Variants in NEK10 observed in about 807,000 individuals in gnomAD.
NEK10 encodes NIMA related kinase 10, also known as serine/threonine-protein kinase Nek10.
NEK10 carries 122 observed loss-of-function variants against 159.8 expected under a neutral mutation model. The ratio of observed to expected loss-of-function variants is 0.76; its 90% CI spans 0.66 to 0.89. NEK10 has a LOEUF of 0.89. Among genes scored for constraint, NEK10 ranks in the 40% least tolerant of loss-of-function variants. The pLI is 0.00. For missense variants in NEK10, 1,342 were observed against 1,323.1 expected (o/e 1.01, Z -0.22); for synonymous variants, 466 against 457.1 (o/e 1.02, Z -0.25).
chr3:27,300,253 C>A (rs2043703490), intron 13 of NEK10, among the ~76,000 whole-genome samples: 6 of 152,124 alleles, frequency 3.9e-5, no homozygotes, highest in Admixed American at 3.9e-4. Flanking sequence ...CACTTGAGAT[C>A]TGATTGTTTT....
At chr3:27,202,049 G>T (rs1010929262) in intron 24 of NEK10, among the ~76,000 whole-genome samples, 4 of 152,240 alleles carry the variant, frequency 2.6e-5, no homozygotes, top group African/African-American at 4.8e-5. Flanking sequence ...TACTCAGGAG[G>T]CTGAGGCAGG....
rs1575781450 is a variant in NEK10 at position 27,331,307 on chromosome 3, G to T, written c.363-9046C>A. Among the ~76,000 whole-genome samples the T allele has an allele frequency of 2.1e-5, 3 of 145,328 alleles. No individual in the cohort carries two copies. The East Asian group carries it at 6.1e-4, about 29-fold the overall frequency. On this transcript the variant is annotated intron_variant, in intron 5 of 35. Transcript: ENST00000691995. ...TTGAGGCCTTAATGAAACTTTATCT[G>T]TGCCCAGTCTATGGTGCTAACTTGA...
chr3:27,307,832 G>C (rs780532546), intron 11 of NEK10, 27 bp downstream of exon 11: 4 of 1,088,414 alleles, frequency 3.7e-6, no homozygotes. Flanking sequence ...GCACTGCATT[G>C]TCTTTTTCTA....
At chr3:27,136,334 G>A (rs1943211726) in intron 31 of NEK10, among the ~76,000 whole-genome samples, 2 of 151,740 alleles carry the variant, frequency 1.3e-5, no homozygotes, top group Admixed American at 6.6e-5. Flanking sequence ...GGATGGTCTC[G>A]ATCTCCTGAC....
At chr3:27,134,261 A>G (rs1196935336) in intron 31 of NEK10, among the ~76,000 whole-genome samples, 1 of 152,240 alleles carries the variant, frequency 6.6e-6, no homozygotes, top group South Asian at 2.1e-4. Context: ...CCTAGCAGGA[A>G]GATGGGATGG....
intron 6 of NEK10, among the ~76,000 whole-genome samples, chr3:27,319,679 C>T (rs908172430): frequency 1.3e-5 from 2 of 151,960 alleles, no homozygotes; most frequent in African/African-American, 2.4e-5. Context: ...AAATAGAGAG[C>T]GGGTAGAAGG....
At chr3:27,323,767 T>A (rs574100057) in intron 5 of NEK10, among the ~76,000 whole-genome samples, 6 of 152,356 alleles carry the variant, frequency 3.9e-5, no homozygotes, top group Non-Finnish European at 5.9e-5. Flanking sequence ...TCAAAAAGTA[T>A]GTTTCTTTAG....
intron 19 of NEK10, among the ~76,000 whole-genome samples, chr3:27,289,481 A>G (rs514668): frequency 0.4 from 60,762 of 152,150 alleles, 15,819 homozygotes; most frequent in African/African-American, 0.75. Context: ...ATCTGACCCT[A>G]GTTTGACAGT....
intron 26 of NEK10, among the ~76,000 whole-genome samples, chr3:27,190,452 T>A (rs1462356350): frequency 6.6e-6 from 1 of 152,192 alleles, no homozygotes; most frequent in African/African-American, 2.4e-5. Context: ...GTACAGGAAG[T>A]AATCTTTGCA....
At chr3:27,336,209 T>A (rs1286873771) in intron 5 of NEK10, among the ~76,000 whole-genome samples, 2 of 152,096 alleles carry the variant, frequency 1.3e-5, no homozygotes, top group Non-Finnish European at 2.9e-5. Flanking sequence ...CATCAGAGAC[T>A]ATTATGAACA....
intron 1 of NEK10, among the ~76,000 whole-genome samples, chr3:27,362,029 G>A (rs2048721843): frequency 6.6e-6 from 1 of 152,104 alleles, no homozygotes; most frequent in South Asian, 2.1e-4. Context: ...AAATACAATG[G>A]ATTAAATAAG....
chr3:27,183,872 A>G (rs1348204825), intron 26 of NEK10, among the ~76,000 whole-genome samples: 4 of 152,150 alleles, frequency 2.6e-5, no homozygotes, highest in African/African-American at 7.2e-5. Context: ...GGAAAATGCA[A>G]ACTAAAACCA....
chr3:27,296,448 C>G (rs2043359964), intron 14 of NEK10, among the ~76,000 whole-genome samples: 1 of 152,162 alleles, frequency 6.6e-6, no homozygotes, highest in African/African-American at 2.4e-5. Flanking sequence ...GTTCTATCAA[C>G]TACCCCCTGA....
intron 6 of NEK10, among the ~76,000 whole-genome samples, chr3:27,316,790 G>GA (rs11403692): frequency 0.98 from 147,759 of 150,172 alleles, 72,695 homozygotes; most frequent in East Asian, 1. Flanking sequence ...AAAGAAAAAA[G>GA]AAAAAAAAAG....
chr3:27,291,207 T>G (rs1196061043), intron 18 of NEK10, 55 bp downstream of exon 18: 3 of 1,534,790 alleles, frequency 2.0e-6, no homozygotes, highest in Non-Finnish European at 2.7e-6. Flanking sequence ...GGTGTGCAAG[T>G]GTGACATCCG....
At chr3:27,333,546 CAAA>C (rs141145764) in intron 5 of NEK10, among the ~76,000 whole-genome samples, 7 of 106,016 alleles carry the variant, frequency 6.6e-5, no homozygotes, top group East Asian at 2.9e-4. Context: ...AACTCCGTCT[CAAA>C]AAAAAAAAAA....
chr3:27,338,904 C>T lies in NEK10; in HGVS notation c.362+5368G>A, dbSNP rs903394426. Among the ~76,000 whole-genome samples, 11 of 152,058 alleles carry T rather than the reference C, an allele frequency of 7.2e-5. No homozygotes were observed. The South Asian group carries it at 1.5e-3, about 20-fold the overall frequency. ...CTAGGCAAAGATTTTATGGCTAAGA[C>T]CTCAAAAGCACAGACATTAAAACAA... On this transcript the variant is annotated intron_variant, in intron 5 of 35. Transcript: ENST00000691995.
chr3:27,238,654 T>G (rs796518685), intron 23 of NEK10, among the ~76,000 whole-genome samples: 34 of 152,188 alleles, frequency 2.2e-4, no homozygotes, highest in African/African-American at 7.9e-4. Context: ...GTAACCTATT[T>G]TTTTATTTAA....
intron 30 of NEK10, among the ~76,000 whole-genome samples, chr3:27,145,249 G>A (rs1944188283): frequency 1.3e-5 from 2 of 152,060 alleles, no homozygotes; most frequent in African/African-American, 4.8e-5. Context: ...CATGTGCAAT[G>A]TCAGTCATAC....
Sources: allele counts gnomAD v4.1 joint callset (sites outside exome capture counted in the v4.1 genomes callset), GRCh38; gene constraint gnomAD v4.1.1; transcripts MANE v1.5; gene names NCBI Gene and HGNC (gene_info 2026-07-23, HGNC 2026-07-21).